Variants in MANBA observed in about 807,000 individuals in gnomAD.
MANBA encodes mannosidase beta, also known as beta-mannosidase.
MANBA carries 83 observed loss-of-function variants against 111.1 expected under a neutral mutation model. That is an observed-to-expected ratio of 0.75 (90% confidence interval 0.63 to 0.90). The LOEUF is 0.90. Among genes scored for constraint, MANBA ranks in the 40% least tolerant of loss-of-function variants. MANBA has a pLI of 0.00. For synonymous variants in MANBA, 370 were observed against 378.7 expected (o/e 0.98, Z 0.27); for missense variants, 1,036 against 1,069.0 (o/e 0.97, Z 0.43).
At chr4:102,690,527 T>G in intron 6 of MANBA, 69 bp downstream of exon 6, 1 of 1,453,602 alleles carries the variant, frequency 6.9e-7, no homozygotes, top group Middle Eastern at 1.8e-4. Context: ...TAGTCCCTCC[T>G]TTCTAATCAT....
intron 7 of MANBA, among the ~76,000 whole-genome samples, 192 bp downstream of exon 7, chr4:102,689,374 ATATATGTG>A (rs1310029096): frequency 1.7e-4 from 16 of 92,576 alleles, no homozygotes; most frequent in East Asian, 4.9e-4. Context: ...ATATATATAT[ATATATGTG>A]TGTGTGTATA....
chr4:102,684,555 C>T (rs1732126723), intron 7 of MANBA, among the ~76,000 whole-genome samples: 1 of 152,180 alleles, frequency 6.6e-6, no homozygotes, highest in South Asian at 2.1e-4. Context: ...ACTCAAATTG[C>T]AACAGCAAAA....
intron 4 of MANBA, among the ~76,000 whole-genome samples, chr4:102,716,690 T>C (rs532347459): frequency 3.3e-5 from 5 of 152,226 alleles, no homozygotes; most frequent in Non-Finnish European, 7.3e-5. Context: ...TTAATTAAAA[T>C]GTGTAAAGCT....
chr4:102,721,219 G>C (rs1361201595), intron 4 of MANBA, among the ~76,000 whole-genome samples: 2 of 152,118 alleles, frequency 1.3e-5, no homozygotes, highest in Non-Finnish European at 2.9e-5. Context: ...AGCTACTCAG[G>C]GGGCTGAGGC....
chr4:102,677,668 C>T (rs1449774411), intron 7 of MANBA, among the ~76,000 whole-genome samples: 2 of 152,138 alleles, frequency 1.3e-5, no homozygotes, highest in African/African-American at 4.8e-5. Context: ...TTTCCAAGTA[C>T]ATCTGTGTGA....
At chr4:102,646,061 A>G (rs1730088081) in intron 13 of MANBA, among the ~76,000 whole-genome samples, 1 of 152,074 alleles carries the variant, frequency 6.6e-6, no homozygotes, top group Non-Finnish European at 1.5e-5. Context: ...CTGTTTCCTC[A>G]TGTATGAAAT....
intron 5 of MANBA, among the ~76,000 whole-genome samples, chr4:102,693,396 G>C (rs1458492466): frequency 6.6e-6 from 1 of 152,192 alleles, no homozygotes. Context: ...AGTAATAAGG[G>C]TGGGGCAGTA....
chr4:102,750,959 T>C (rs1723768035), intron 1 of MANBA, among the ~76,000 whole-genome samples: 2 of 152,076 alleles, frequency 1.3e-5, no homozygotes, highest in African/African-American at 4.8e-5. Flanking sequence ...AGGGATGGCA[T>C]AGTGGATAGA....
chr4:102,701,845 T>C (rs1733065088), intron 5 of MANBA, among the ~76,000 whole-genome samples: 1 of 151,314 alleles, frequency 6.6e-6, no homozygotes, highest in Non-Finnish European at 1.5e-5. Flanking sequence ...GTCTTGGAGT[T>C]GCTCTTCTCG....
intron 13 of MANBA, among the ~76,000 whole-genome samples, chr4:102,642,757 G>T (rs1729938762): frequency 6.6e-6 from 1 of 152,156 alleles, no homozygotes. Context: ...TGCCACTGGT[G>T]GTTGCTAGCT....
chr4:102,751,908 T>C (rs1362273866), intron 1 of MANBA: 10 of 622,610 alleles, frequency 1.6e-5, no homozygotes, highest in Non-Finnish European at 2.5e-5. Context: ...TATTCTCTTA[T>C]GGGAGTGGAA....
rs1723760581 is a variant in MANBA at position 102,750,771 on chromosome 4, G to A, written c.177+9947C>T. ...CTACAAAAAAGAAACAAATTAGCTG[G>A]GTATGGTGGTGTGTACCTGTAGTCC... On this transcript the variant is annotated intron_variant, in intron 1 of 16. Transcript: ENST00000647097. 2.0e-5 allele frequency among the ~76,000 whole-genome samples: 3 copies of A among 152,056 alleles called. No homozygotes were observed. In the South Asian group the frequency reaches 6.2e-4, roughly 31 times the overall value.
At chr4:102,686,559 A>G (rs1316158012) in intron 7 of MANBA, among the ~76,000 whole-genome samples, 1 of 152,184 alleles carries the variant, frequency 6.6e-6, no homozygotes, top group Non-Finnish European at 1.5e-5. Context: ...TTTGATTTCC[A>G]TGCTGATCAA....
intron 1 of MANBA, chr4:102,752,370 C>A: frequency 7.7e-7 from 1 of 1,302,816 alleles, no homozygotes; most frequent in South Asian, 1.2e-5. Context: ...GAACTAAAGA[C>A]CATTCTTTGG....
intron 11 of MANBA, among the ~76,000 whole-genome samples, chr4:102,660,757 A>C (rs1730904063): frequency 1.3e-5 from 2 of 148,942 alleles, no homozygotes; most frequent in Admixed American, 6.7e-5. Context: ...ATCCAGCTTT[A>C]ATTTAATATA....
chr4:102,686,640 T>C (rs1010673305), intron 7 of MANBA, among the ~76,000 whole-genome samples: 14 of 152,150 alleles, frequency 9.2e-5, no homozygotes, highest in Non-Finnish European at 1.6e-4. Context: ...TGAACTCCCT[T>C]GCAGCATTCA....
intron 14 of MANBA, among the ~76,000 whole-genome samples, chr4:102,638,577 G>A (rs1026001448): frequency 6.6e-6 from 1 of 152,026 alleles, no homozygotes; most frequent in Admixed American, 6.6e-5. Flanking sequence ...TTCTTGAATC[G>A]AACTCAGTTT....
intron 15 of MANBA, 44 bp downstream of exon 15, chr4:102,635,821 C>T (rs1487159413): frequency 1.3e-6 from 2 of 1,571,100 alleles, no homozygotes; most frequent in African/African-American, 2.7e-5. Flanking sequence ...AAGAAATCAT[C>T]TAAAAGTCTC....
chr4:102,636,093 C>G, intron 14 of MANBA, 86 bp from the exon 15 acceptor site: 2 of 1,271,518 alleles, frequency 1.6e-6, no homozygotes, highest in Non-Finnish European at 1.1e-6. Flanking sequence ...TGTGGCTCAT[C>G]GGGGTTCTAA....
Sources: allele counts gnomAD v4.1 joint callset (sites outside exome capture counted in the v4.1 genomes callset), GRCh38; gene constraint gnomAD v4.1.1; transcripts MANE v1.5; gene names NCBI Gene and HGNC (gene_info 2026-07-23, HGNC 2026-07-21).